Variants in DLG2 observed in about 807,000 individuals in gnomAD.
DLG2 encodes the protein discs large MAGUK scaffold protein 2.
DLG2 carries 45 observed loss-of-function variants against 132.5 expected under a neutral mutation model. The observed-to-expected ratio is 0.34, with a 90% CI of 0.27 to 0.44. The LOEUF (loss-of-function observed/expected upper bound fraction) is 0.44. Among genes scored for constraint, DLG2 ranks in the 20% least tolerant of loss-of-function variants. The pLI is 1.00. For missense variants in DLG2, 1,045 were observed against 1,196.9 expected, an observed-to-expected ratio of 0.87 and a Z score of 1.87; for synonymous variants, 424 against 419.6, an observed-to-expected ratio of 1.01 and a Z score of -0.13.
intron 3 of DLG2, among the ~76,000 whole-genome samples, chr11:85,316,131 T>G (rs2080656824): frequency 6.6e-6 from 1 of 152,004 alleles, no homozygotes; most frequent in South Asian, 2.1e-4. Flanking sequence ...GATTTTTTTT[T>G]TTAAAGAATG....
chr11:84,351,314 C>G (rs535190427), intron 7 of DLG2, among the ~76,000 whole-genome samples: 1 of 151,966 alleles, frequency 6.6e-6, no homozygotes, highest in East Asian at 1.9e-4. Flanking sequence ...TTTTTCAGCC[C>G]AGGTCCTCTC....
chr11:83,889,611 A>G (rs528893641), intron 15 of DLG2, among the ~76,000 whole-genome samples: 2 of 152,330 alleles, frequency 1.3e-5, no homozygotes, highest in East Asian at 1.9e-4. Flanking sequence ...ATTACTGGGT[A>G]TATACCCAAA....
chr11:84,085,827 T>C (rs868675682), intron 10 of DLG2, among the ~76,000 whole-genome samples: 8 of 152,358 alleles, frequency 5.3e-5, no homozygotes, highest in Middle Eastern at 3.4e-3. Flanking sequence ...AGCAATCCTG[T>C]TGTTCCTCTG....
chr11:83,724,458 C>CAT (rs2089498163), intron 18 of DLG2, among the ~76,000 whole-genome samples: 4 of 121,452 alleles, frequency 3.3e-5, no homozygotes, highest in Non-Finnish European at 4.9e-5. Flanking sequence ...TCTCTCTCTC[C>CAT]GTGTGTGTGT....
chr11:84,966,797 T>C (rs1012318064), intron 6 of DLG2, among the ~76,000 whole-genome samples: 1 of 152,170 alleles, frequency 6.6e-6, no homozygotes, highest in African/African-American at 2.4e-5. Context: ...TTTCTGAGAC[T>C]TTCTACAGTA....
intron 7 of DLG2, among the ~76,000 whole-genome samples, chr11:84,350,181 C>T (rs943927428): frequency 1.5e-4 from 21 of 143,208 alleles, no homozygotes; most frequent in African/African-American, 4.8e-4. Flanking sequence ...TCGTCCCCCC[C>T]CCCAAAAAAA....
At chr11:83,510,856 G>T (rs2094977030) in intron 21 of DLG2, among the ~76,000 whole-genome samples, 1 of 108,140 alleles carries the variant, frequency 9.2e-6, no homozygotes. Context: ...TTTTTTGGAA[G>T]GGAAAAAGCA....
chr11:83,879,451 C>A (rs898990614), intron 15 of DLG2, among the ~76,000 whole-genome samples: 2 of 152,128 alleles, frequency 1.3e-5, no homozygotes, highest in African/African-American at 2.4e-5. Flanking sequence ...CTCTCTCTTG[C>A]ATATTTGTAT....
chr11:84,982,230 G>A (rs1166297935), intron 6 of DLG2, among the ~76,000 whole-genome samples: 4 of 150,982 alleles, frequency 2.6e-5, no homozygotes, highest in African/African-American at 4.9e-5. Flanking sequence ...TTCAAACATA[G>A]TCCCCTTCTC....
chr11:85,168,827 G>T (rs1378053637), intron 4 of DLG2, among the ~76,000 whole-genome samples: 1 of 152,058 alleles, frequency 6.6e-6, no homozygotes, highest in African/African-American at 2.4e-5. Context: ...TTATGTCAAT[G>T]TCTTCGTCAT....
chr11:83,668,783 A>ATG (rs1417211451), intron 18 of DLG2, among the ~76,000 whole-genome samples: 3 of 135,854 alleles, frequency 2.2e-5, no homozygotes, highest in Admixed American at 2.2e-4. Context: ...ACACATATAT[A>ATG]TGTGTATATA....
At chr11:85,325,136 C>T (rs1355156572) in intron 3 of DLG2, among the ~76,000 whole-genome samples, 2 of 135,940 alleles carry the variant, frequency 1.5e-5, no homozygotes, top group African/African-American at 2.8e-5. Flanking sequence ...CACGGAATCT[C>T]GCTGATTGCT....
chr11:85,106,111 T>C (rs933944300), intron 6 of DLG2, among the ~76,000 whole-genome samples: 12 of 151,912 alleles, frequency 7.9e-5, no homozygotes, highest in Admixed American at 5.3e-4. Context: ...TGGGAGAGCA[T>C]GCTGGAACAA....
chr11:83,773,710 G>A (rs1345568008), intron 18 of DLG2, among the ~76,000 whole-genome samples: 1 of 152,200 alleles, frequency 6.6e-6, no homozygotes, highest in African/African-American at 2.4e-5. Flanking sequence ...CCCATAGTTC[G>A]AAGAGAAACT....
intron 21 of DLG2, chr11:83,486,270 A>G (rs764487769): frequency 2.9e-6 from 2 of 690,886 alleles, no homozygotes; most frequent in Admixed American, 2.1e-5. Context: ...AAAAGAAAAA[A>G]AATCATGTAA....
chr11:83,498,831 G>C (rs1252349963), intron 21 of DLG2, among the ~76,000 whole-genome samples: 1 of 149,242 alleles, frequency 6.7e-6, no homozygotes, highest in Non-Finnish European at 1.5e-5. Flanking sequence ...GACTGACCAA[G>C]AAAACAAAGA....
chr11:84,448,926 A>C (rs997536334), intron 7 of DLG2, among the ~76,000 whole-genome samples: 5 of 152,004 alleles, frequency 3.3e-5, no homozygotes, highest in African/African-American at 1.2e-4. Flanking sequence ...TGAATGAAGC[A>C]TATCACTTGA....
chr11:85,322,743 C>T (rs1462598939), intron 3 of DLG2, among the ~76,000 whole-genome samples: 2 of 152,092 alleles, frequency 1.3e-5, no homozygotes, highest in East Asian at 3.9e-4. Context: ...CAAAGTCATC[C>T]TTGATACCTC....
At position 84,364,216 on chromosome 11, in the gene DLG2, G is replaced by A. The variant is rs540426952; in HGVS notation, c.520-112925C>T. 3.9e-4 allele frequency among the ~76,000 whole-genome samples: 60 copies of A among 151,924 alleles called. 2 individuals carry two copies. The South Asian group carries it at 0.012, about 29-fold the overall frequency. ...AGTGGTTTGTAGTTCTCCTTGAAGA[G>A]GTCCTTCACATCCCTTGTAAGTTGG... On this transcript the variant is annotated intron_variant, in intron 7 of 27. Transcript: ENST00000376104.
Sources: allele counts gnomAD v4.1 joint callset (sites outside exome capture counted in the v4.1 genomes callset), GRCh38; gene constraint gnomAD v4.1.1; transcripts MANE v1.5; gene names NCBI Gene and HGNC (gene_info 2026-07-23, HGNC 2026-07-21).